Variants in MYADM observed in about 807,000 individuals in gnomAD.
MYADM encodes myeloid-associated differentiation marker.
For missense variants in MYADM, 416 were observed against 443.4 expected, an observed-to-expected ratio of 0.94 and a Z score of 0.56; for synonymous variants, 224 against 210.2, an observed-to-expected ratio of 1.07 and a Z score of -0.57.
chr19:53,868,526 G>A lies in MYADM; in HGVS notation c.-88+583G>A, dbSNP rs2068286833. On this transcript the variant is annotated intron_variant, in intron 1 of 2. Coordinates refer to ENST00000391770, the MANE Select transcript of MYADM (RefSeq NM_138373.5). The surrounding 1 kb of genome is among the most constrained non-coding windows in gnomAD (Gnocchi z 6.3). ...ACTTTGGGCTCCTGAAAGGCCGAGGGAGGGGGGTGTTAAGATCCAGCCCCG... is the reference window on the plus strand; with the variant it reads ...ACTTTGGGCTCCTGAAAGGCCGAGGAAGGGGGGTGTTAAGATCCAGCCCCG... Among the ~76,000 whole-genome samples, 1 of 152,112 alleles carries A rather than the reference G, an allele frequency of 6.6e-6. No individual in the cohort carries two copies. Among genetic ancestry groups the A allele is most frequent in the Admixed American group, 6.6e-5 (1 of 15,262 alleles).
chr19:53,871,553 G>T (rs2068388851), intron 2 of MYADM, among the ~76,000 whole-genome samples: 1 of 152,180 alleles, frequency 6.6e-6, no homozygotes, highest in Non-Finnish European at 1.5e-5. Context: ...TAGGCTCCTT[G>T]TCAGAAGGGA....
intron 2 of MYADM, among the ~76,000 whole-genome samples, chr19:53,871,714 C>T (rs891300459): frequency 1.3e-5 from 2 of 151,634 alleles, no homozygotes; most frequent in East Asian, 1.9e-4. Flanking sequence ...GGTCACTGTT[C>T]GATGGAAGAA....
intron 2 of MYADM, among the ~76,000 whole-genome samples, chr19:53,871,162 C>T (rs767312857): frequency 6.6e-5 from 10 of 152,076 alleles, no homozygotes; most frequent in Non-Finnish European, 7.4e-5. Flanking sequence ...ATCCGGGAGG[C>T]GGAGGTTGCC....
At position 53,873,886 on chromosome 19, in the gene MYADM, C is replaced by T; in HGVS notation, c.357C>T (p.Ile119=). The T allele has an allele frequency of 6.2e-7, 1 of 1,613,192 alleles. No homozygotes were observed. The highest frequency in any genetic ancestry group is 8.5e-7 in the Non-Finnish European group (1 of 1,180,038). Residue 119 remains isoleucine, a synonymous_variant, in exon 3 of 3, where the codon ATC becomes ATT. Coordinates refer to ENST00000391770, the MANE Select transcript of MYADM (RefSeq NM_138373.5). The surrounding 1 kb of genome is among the most constrained non-coding windows in gnomAD (Gnocchi z 4.3). The part of the protein sequence containing the change: ...AALFCLSASI[I]YPTTYVQFLS... ...TCTTCTGCCTCTCGGCCTCCATCATCTACCCCACCACCTATGTCCAGTTCC... is the reference window on the plus strand; with the variant it reads ...TCTTCTGCCTCTCGGCCTCCATCATTTACCCCACCACCTATGTCCAGTTCC...
At chr19:53,871,899 A>T (rs1029955526) in intron 2 of MYADM, among the ~76,000 whole-genome samples, 1 of 151,466 alleles carries the variant, frequency 6.6e-6, no homozygotes, top group African/African-American at 2.4e-5. Context: ...TATTTTTATT[A>T]TTTTATTTTA....
In MYADM at chr19:53,873,485, T is replaced by G. The variant is rs768229191; in HGVS notation, c.-2-43T>G. The stretch of plus-strand genomic sequence containing the variant: ...AATGGCTAAGGGACCTGGATTCTTA[T>G]GTTTGTGACTGTATAAGGACACTGT... On this transcript the variant is annotated intron_variant, in intron 2 of 2. Coordinates refer to ENST00000391770, the MANE Select transcript of MYADM (RefSeq NM_138373.5). The surrounding 1 kb of genome is among the most constrained non-coding windows in gnomAD (Gnocchi z 4.3). 5.9e-6 allele frequency: 9 copies of G among 1,531,764 alleles called. No homozygotes were observed. The highest frequency in any genetic ancestry group is 7.9e-6 in the Non-Finnish European group (9 of 1,139,824). The allele number at this position is 1,531,764 out of a possible 1,614,324, so 94.9% of individuals were successfully genotyped here. A position where few individuals can be genotyped will look rare whatever the true frequency, so the allele number is the denominator to read the frequency against.
At position 53,874,040 on chromosome 19, in the gene MYADM, A is replaced by T; in HGVS notation, c.511A>T (p.Thr171Ser). Residue 171 changes from threonine to serine, a missense_variant, in exon 3 of 3, where the codon ACC becomes TCC. Thr to Ser is a moderately conservative substitution (Grantham distance 58). Transcript: ENST00000391770. ...RPGEITGYMATVPGLLKVLET... is the reference protein window; with the variant it reads ...RPGEITGYMASVPGLLKVLET... ...CGGCGAGATCACTGGCTATATGGCC[A>T]CCGTACCCGGGCTGCTGAAGGTGCT... is the stretch of plus-strand genomic sequence containing the variant. 3.1e-6 allele frequency: 5 copies of T among 1,609,272 alleles called. No individual in the cohort carries two copies. The highest frequency in any genetic ancestry group is 4.2e-6 in the Non-Finnish European group (5 of 1,179,958).
Position 53,874,129 on chromosome 19 carries a change from G to A in MYADM, c.600G>A (p.Gln200=), listed in dbSNP as rs763726840. The change falls in exon 3 of 3, where the codon CAG becomes CAA. Residue 200 remains glutamine, a synonymous_variant. Transcript: ENST00000391770. The part of the protein sequence containing the change: ...FISDPNLYQH[Q]PALEWCVAVY... ...GCGACCCCAACCTGTACCAGCACCA[G>A]CCGGCCCTGGAGTGGTGCGTGGCGG... 1.2e-6 allele frequency: 2 copies of A among 1,613,292 alleles called. No homozygotes were observed. Among genetic ancestry groups the A allele is most frequent in the East Asian group, 4.5e-5 (2 of 44,882 alleles).
rs2068471230 is a variant in MYADM, at chr19:53,874,289, G to A, written c.760G>A (p.Ala254Thr). ...ALLSVLLYAT[A>T]LVLWPLYQFD... ...GCTGTCTGTCCTCCTCTATGCCACC[G>A]CCCTTGTTCTCTGGCCCCTCTACCA... The change falls in exon 3 of 3, where the codon GCC (alanine) becomes ACC (threonine). Residue 254 changes from alanine (A) to threonine (T), a missense_variant. Coordinates refer to ENST00000391770, the MANE Select transcript of MYADM (RefSeq NM_138373.5). The A allele has an allele frequency of 1.2e-6, 2 of 1,608,996 alleles. No homozygotes were observed. Among genetic ancestry groups the A allele is most frequent in the East Asian group, 4.5e-5 (2 of 44,736 alleles).
chr19:53,869,146 G>C (rs947580747), intron 1 of MYADM: 2 of 152,290 alleles, frequency 1.3e-5, no homozygotes, highest in South Asian at 4.1e-4. Flanking sequence ...GCTGGGCCTC[G>C]GGCCTGACGC....
rs112349507 is a variant in MYADM, at chr19:53,873,371, C to CAAA, written c.-2-146_-2-144dup. On this transcript the variant is annotated intron_variant, in intron 2 of 2. Coordinates refer to ENST00000391770, the MANE Select transcript of MYADM (RefSeq NM_138373.5). The surrounding 1 kb of genome is among the most constrained non-coding windows in gnomAD (Gnocchi z 4.3). The stretch of plus-strand genomic sequence containing the variant: ...TGGGCCACAGAGCAAGACTCTGTCT[C>CAAA]AAAAAAAAAAAAAGAAAAGAAAACC... Among the ~76,000 whole-genome samples the CAAA allele has an allele frequency of 7.4e-6, 1 of 135,686 alleles. No homozygotes were observed. Among genetic ancestry groups the CAAA allele is most frequent in the African/African-American group, 2.6e-5 (1 of 37,982 alleles). The allele number at this position is 135,686 out of a possible 152,430, so 89.0% of individuals were successfully genotyped here.
intron 2 of MYADM, among the ~76,000 whole-genome samples, chr19:53,870,944 G>C (rs3916465): frequency 0.047 from 7,220 of 152,212 alleles, 558 homozygotes; most frequent in African/African-American, 0.16. Context: ...TAACAGGACG[G>C]TGATGGCCAG....
rs2068430568 is a variant in MYADM at position 53,873,299 on chromosome 19, G to A, written c.-2-229G>A. On this transcript the variant is annotated intron_variant, in intron 2 of 2. Transcript: ENST00000391770. This position sits in a 1 kb window ranked among gnomAD's most constrained non-coding sequence, Gnocchi z 4.3. The stretch of plus-strand genomic sequence containing the variant: ...AGGCAGGAGAATCACTTGAACCTGA[G>A]TAGCAGAGGTTGTAGTGAGCTGAGA... Among the ~76,000 whole-genome samples the A allele has an allele frequency of 6.6e-6, 1 of 152,008 alleles. No homozygotes were observed. Among genetic ancestry groups the A allele is most frequent in the South Asian group, 2.1e-4 (1 of 4,822 alleles).
rs1474905277 is a variant in MYADM at position 53,873,435 on chromosome 19, A to G, written c.-2-93A>G. 7.5e-7 allele frequency: 1 copy of G among 1,337,962 alleles called. No homozygotes were observed. The highest frequency in any genetic ancestry group is 2.3e-5 in the East Asian group (1 of 43,116). The allele number at this position is 1,337,962 out of a possible 1,614,324, so 82.9% of individuals were successfully genotyped here. ...CTTGGGAACTCCCTAATTAGAGCTC[A>G]TATTAATTTGTCCCTGGGGTAGGCA... On this transcript the variant is annotated intron_variant, in intron 2 of 2. Coordinates refer to ENST00000391770, the MANE Select transcript of MYADM (RefSeq NM_138373.5). The surrounding 1 kb of genome is among the most constrained non-coding windows in gnomAD (Gnocchi z 4.3).
In MYADM at chr19:53,874,179, C is replaced by A; in HGVS notation, c.650C>A (p.Ala217Glu). ...GTGTACGCCATCTGCTTCATCCTAG[C>A]GGCCATCGCCATCCTGCTGAACCTG... ...VAVYAICFILAAIAILLNLGE... is the reference protein window; with the variant it reads ...VAVYAICFILEAIAILLNLGE... The change falls in exon 3 of 3, where the codon GCG becomes GAG. Residue 217 changes from alanine to glutamate, a missense_variant. Transcript: ENST00000391770. 6.2e-7 allele frequency: 1 copy of A among 1,613,944 alleles called. No individual in the cohort carries two copies. The highest frequency in any genetic ancestry group is 1.3e-5 in the African/African-American group (1 of 75,078).
At chr19:53,867,622 CTGT>C (rs1167987875), upstream of MYADM, among the ~76,000 whole-genome samples, 1 of 152,216 alleles carries the variant, frequency 6.6e-6, no homozygotes, top group East Asian at 1.9e-4. Flanking sequence ...ACGCCGCCAG[CTGT>C]TGTGTCTTCC....
intron 2 of MYADM, among the ~76,000 whole-genome samples, chr19:53,870,271 A>G (rs865796081): frequency 2.7e-4 from 7 of 26,110 alleles, no homozygotes; most frequent in African/African-American, 5.5e-4. Flanking sequence ...GGGGGCCTGG[A>G]CTCCGGGGTC....
rs1162252924 is a variant in MYADM, at chr19:53,869,812, C to T, written c.-29C>T. ...TCCGTCTCCACCACCAGATCTTTCT[C>T]CGTGGATTCCTCTGCTAAGACCGCT... On this transcript the variant is annotated 5_prime_UTR_variant, in exon 2 of 3. Transcript: ENST00000391770. 1 of 153,978 alleles carries T rather than the reference C, an allele frequency of 6.5e-6. No homozygotes were observed. Among genetic ancestry groups the T allele is most frequent in the Non-Finnish European group, 1.5e-5 (1 of 68,520 alleles). The allele number at this position is 153,978 out of a possible 1,614,324, so 9.5% of individuals were successfully genotyped here.
At chr19:53,869,705 G>C (rs909893376) in intron 1 of MYADM, 49 bp from the exon 2 acceptor site, 1 of 152,566 alleles carries the variant, frequency 6.6e-6, no homozygotes, top group African/African-American at 2.4e-5. Flanking sequence ...TCGATCCCTA[G>C]AGGGAGGAGC....
Sources: gnomAD v4.1 joint callset for allele counts (sites outside exome capture counted in the v4.1 genomes callset) on GRCh38, gnomAD v4.1.1 for gene constraint, Gnocchi (gnomAD v3.1) non-coding constraint, MANE v1.5 for transcripts, NCBI Gene and HGNC (gene_info 2026-07-23, HGNC 2026-07-21) for gene names.